The following RBKS variants were observed in gnomAD, a reference collection of about 807,000 sequenced individuals.
RBKS encodes ribokinase.
Under a neutral mutation model 33.9 loss-of-function variants are expected in RBKS, and 33 were observed. The ratio of observed to expected loss-of-function variants is 0.97; its 90% confidence interval spans 0.74 to 1.30. The LOEUF is 1.30. Ranked by LOEUF, RBKS falls within the 50% of genes most tolerant of loss-of-function variation. The probability of loss-of-function intolerance (pLI) is 0.00; values close to 1 mark genes in which losing one functional copy is unlikely to be tolerated. For missense variants in RBKS, 361 were observed against 392.6 expected (o/e 0.92, Z 0.68); for synonymous variants, 125 against 143.0 (o/e 0.87, Z 0.90).
At chr2:27,879,445 T>G (rs1428854156) in intron 1 of RBKS, among the ~76,000 whole-genome samples, 2 of 151,936 alleles carry the variant, frequency 1.3e-5, no homozygotes, top group African/African-American at 4.8e-5. Flanking sequence ...ATCATGGGAG[T>G]GGGTTTGTTA....
chr2:27,814,295 T>C (rs1179311713), intron 7 of RBKS, among the ~76,000 whole-genome samples: 1 of 152,184 alleles, frequency 6.6e-6, no homozygotes, highest in East Asian at 1.9e-4. Flanking sequence ...TTTGTAATAT[T>C]TTATTTCTTA....
At chr2:27,843,645 G>A (rs1663560057) in intron 4 of RBKS, among the ~76,000 whole-genome samples, 1 of 152,198 alleles carries the variant, frequency 6.6e-6, no homozygotes, top group African/African-American at 2.4e-5. Flanking sequence ...ACTGTAGTAT[G>A]CAAGCAGTTC....
chr2:27,859,584 G>A (rs1029235164), intron 1 of RBKS, among the ~76,000 whole-genome samples: 1 of 152,184 alleles, frequency 6.6e-6, no homozygotes, highest in Non-Finnish European at 1.5e-5. Flanking sequence ...GAGGCATTCT[G>A]GGGAGTTCTA....
At chr2:27,783,693 G>T (rs1677332276) in intron 7 of RBKS, among the ~76,000 whole-genome samples, 1 of 151,980 alleles carries the variant, frequency 6.6e-6, no homozygotes, top group Non-Finnish European at 1.5e-5. Context: ...GGATCACGAG[G>T]TCAGGAGATC....
intron 7 of RBKS, among the ~76,000 whole-genome samples, chr2:27,815,398 G>A (rs1049503588): frequency 1.3e-5 from 2 of 151,890 alleles, no homozygotes; most frequent in Non-Finnish European, 2.9e-5. Flanking sequence ...ATGGGGTTTC[G>A]CCATGTTGCC....
In RBKS at chr2:27,784,974, G is replaced by A. The variant is rs1047196455; in HGVS notation, c.796-3186C>T. Among the ~76,000 whole-genome samples, 5 of 152,060 alleles carry A rather than the reference G, an allele frequency of 3.3e-5. No homozygotes were observed. In the East Asian group the frequency reaches 9.6e-4, roughly 29 times the overall value. On this transcript the variant is annotated intron_variant, in intron 7 of 7. Transcript: ENST00000302188. Reference sequence around the variant, plus strand: ...CTGAGGAACTATGAGCTGACTGGAGGGTTATTATGAAAACATGGAAAATGC... The same window carrying A: ...CTGAGGAACTATGAGCTGACTGGAGAGTTATTATGAAAACATGGAAAATGC...
chr2:27,797,667 T>A (rs1463229699), intron 7 of RBKS, among the ~76,000 whole-genome samples: 1 of 152,148 alleles, frequency 6.6e-6, no homozygotes, highest in Non-Finnish European at 1.5e-5. Flanking sequence ...GGGGGGTCCA[T>A]TTTCCTCTGT....
At chr2:27,819,311 C>T (rs771950844) in intron 7 of RBKS, among the ~76,000 whole-genome samples, 13 of 151,954 alleles carry the variant, frequency 8.6e-5, no homozygotes, top group South Asian at 2.1e-4. Context: ...AGGGAGAGAG[C>T]GAGAGAGCTC....
chr2:27,840,471 A>G (rs545358959), intron 5 of RBKS, among the ~76,000 whole-genome samples: 71 of 151,744 alleles, frequency 4.7e-4, no homozygotes, highest in African/African-American at 1.7e-3. Context: ...TGGCCAGAGA[A>G]AGCCACCGGA....
At chr2:27,853,617 C>G (rs1406789322) in intron 2 of RBKS, among the ~76,000 whole-genome samples, 1 of 152,016 alleles carries the variant, frequency 6.6e-6, no homozygotes, top group Non-Finnish European at 1.5e-5. Flanking sequence ...CAGATTGCAC[C>G]ACTGCACTCT....
chr2:27,786,879 A>G (rs1293006674), intron 7 of RBKS, among the ~76,000 whole-genome samples: 1 of 152,192 alleles, frequency 6.6e-6, no homozygotes, highest in East Asian at 1.9e-4. Flanking sequence ...AGCCAAGGCC[A>G]GGGAAACACA....
At chr2:27,855,080 C>T (rs1358085265) in intron 2 of RBKS, among the ~76,000 whole-genome samples, 11 of 127,850 alleles carry the variant, frequency 8.6e-5, no homozygotes, top group African/African-American at 3.2e-4. Flanking sequence ...GTTGCTTTTT[C>T]TTATCCTTGG....
intron 1 of RBKS, among the ~76,000 whole-genome samples, chr2:27,876,867 A>C (rs1664325130): frequency 6.6e-6 from 1 of 152,172 alleles, no homozygotes; most frequent in Non-Finnish European, 1.5e-5. Flanking sequence ...AAGGACAATA[A>C]TACTAAGTAC....
At chr2:27,865,429 C>T (rs1664079813) in intron 1 of RBKS, among the ~76,000 whole-genome samples, 1 of 152,150 alleles carries the variant, frequency 6.6e-6, no homozygotes, top group African/African-American at 2.4e-5. Context: ...AGCATTGCTT[C>T]CCAACAATTT....
chr2:27,836,279 A>G (rs936318555), intron 5 of RBKS, among the ~76,000 whole-genome samples: 5 of 152,176 alleles, frequency 3.3e-5, no homozygotes, highest in African/African-American at 1.2e-4. Context: ...ACGAAATGAT[A>G]TAACATCTGG....
chr2:27,873,907 A>G (rs1164048141), intron 1 of RBKS, among the ~76,000 whole-genome samples: 1 of 152,216 alleles, frequency 6.6e-6, no homozygotes, highest in African/African-American at 2.4e-5. Context: ...TTTTATTTAG[A>G]AAACACATCA....
At chr2:27,872,498 A>G (rs1189257179) in intron 1 of RBKS, among the ~76,000 whole-genome samples, 2 of 152,186 alleles carry the variant, frequency 1.3e-5, no homozygotes, top group African/African-American at 4.8e-5. Flanking sequence ...TAGCTTTATC[A>G]ATATCAGCCA....
intron 7 of RBKS, among the ~76,000 whole-genome samples, chr2:27,814,000 G>T (rs1678041013): frequency 6.6e-6 from 1 of 152,046 alleles, no homozygotes; most frequent in Non-Finnish European, 1.5e-5. Context: ...TGGGAGGATT[G>T]CTTGAAGCCA....
intron 1 of RBKS, chr2:27,861,676 G>GGGGGA: frequency 2.3e-6 from 1 of 426,086 alleles, no homozygotes; most frequent in Non-Finnish European, 4.8e-6. Flanking sequence ...GGGGGGGGTG[G>GGGGGA]AGTCTCACTT....
Sources: allele counts gnomAD v4.1 joint callset (sites outside exome capture counted in the v4.1 genomes callset), GRCh38; gene constraint gnomAD v4.1.1; transcripts MANE v1.5; gene names NCBI Gene and HGNC (gene_info 2026-07-23, HGNC 2026-07-21).